The following NOMO2 variants were observed in gnomAD, a reference collection of about 807,000 sequenced individuals.
NOMO2 encodes BOS complex subunit NOMO2.
In NOMO2, 14 loss-of-function variants were observed where a neutral mutation model predicts 67.1. That is an observed-to-expected ratio of 0.21 (90% CI 0.14 to 0.33). The LOEUF is 0.33. Ranked by LOEUF, NOMO2 falls within the 10% of genes least tolerant of loss-of-function variation. The pLI, the probability that NOMO2 is intolerant of heterozygous loss-of-function variation, is 1.00. For missense variants in NOMO2, 178 were observed against 761.0 expected, an observed-to-expected ratio of 0.23 and a Z score of 9.01; for synonymous variants, 80 against 305.9, an observed-to-expected ratio of 0.26 and a Z score of 7.71.
At position 18,528,407 on chromosome 16, in the gene NOMO2, T is replaced by G. The variant is rs545062285; in HGVS notation, c.1807-783A>C. Among the ~76,000 whole-genome samples the G allele has an allele frequency of 2.4e-3, 371 of 152,092 alleles. 1 individual carries two copies. Among genetic ancestry groups the G allele is most frequent in the African/African-American group, 8.1e-3 (335 of 41,474 alleles). On this transcript the variant is annotated intron_variant, in intron 15 of 30. Coordinates refer to ENST00000622306, the MANE Select transcript of NOMO2 (RefSeq NM_173614.4). ...ATAACAAATCGACCTGTCAAGTTTT[T>G]GTAATTAAGCAGTTAGGGGAGTAAG...
intron 9 of NOMO2, among the ~76,000 whole-genome samples, chr16:18,541,447 G>T (rs1485388881): frequency 0.021 from 2,834 of 135,046 alleles, 1 homozygote; most frequent in Middle Eastern, 0.052. Flanking sequence ...GATACTGTAC[G>T]ACCTCCTTTC....
In NOMO2 at chr16:18,529,349, T is replaced by A. The variant is rs576142709; in HGVS notation, c.1806+152A>T. The A allele has an allele frequency of 8.9e-3, 13,496 of 1,514,788 alleles. 33 individuals carry two copies. Among genetic ancestry groups the A allele is most frequent in the Non-Finnish European group, 0.011 (12,247 of 1,104,524 alleles). 93.8% of individuals were successfully genotyped at this position (1,514,788 alleles called of 1,614,324 possible). On this transcript the variant is annotated intron_variant, in intron 15 of 30. Coordinates refer to ENST00000622306, the MANE Select transcript of NOMO2 (RefSeq NM_173614.4). ...CCACTGAGAGAGTATAAATGCTTCC[T>A]GATTATGCGTTGCGTAACAGGTGGG...
intron 15 of NOMO2, among the ~76,000 whole-genome samples, chr16:18,528,990 T>A (rs1269133754): frequency 0.012 from 198 of 15,974 alleles, 2 homozygotes; most frequent in African/African-American, 0.026. Context: ...AAAAAAAAAA[T>A]ACATATATAT....
rs562566423 is a variant in NOMO2, at chr16:18,536,875, C to T, written c.1220+1651G>A. On this transcript the variant is annotated intron_variant, in intron 11 of 30. Transcript: ENST00000622306. ...CATTCACCACTGGACTCCTTGACCT[C>T]GACCTCCATCTGTCTACAGAAGAGT... Among the ~76,000 whole-genome samples the T allele has an allele frequency of 4.0e-5, 6 of 151,546 alleles. No individual in the cohort carries two copies. The South Asian group carries it at 8.4e-4, about 21-fold the overall frequency.
At chr16:18,534,169 C>A (rs2057018512) in intron 11 of NOMO2, among the ~76,000 whole-genome samples, 1 of 151,814 alleles carries the variant, frequency 6.6e-6, no homozygotes, top group Non-Finnish European at 1.5e-5. Flanking sequence ...TATGTGAAAT[C>A]TAGGAATCAT....
intron 5 of NOMO2, among the ~76,000 whole-genome samples, chr16:18,547,621 G>A (rs1456505178): frequency 6.6e-6 from 1 of 151,900 alleles, no homozygotes; most frequent in Non-Finnish European, 1.5e-5. Context: ...CAGAACATTC[G>A]ACTGTGTTTG....
chr16:18,550,653 G>A (rs2434749), intron 4 of NOMO2, among the ~76,000 whole-genome samples: 98 of 152,152 alleles, frequency 6.4e-4, no homozygotes, highest in African/African-American at 1.6e-3. Flanking sequence ...GCACACACCC[G>A]TTAGGACTCT....
intron 16 of NOMO2, among the ~76,000 whole-genome samples, 180 bp from the exon 17 acceptor site, chr16:18,524,732 T>C (rs1596842348): frequency 6.7e-6 from 1 of 149,116 alleles, no homozygotes; most frequent in East Asian, 2.0e-4. Flanking sequence ...GAAGGCGTCT[T>C]ACCAATGACC....
At chr16:18,560,419 A>C (rs1330586797) in intron 1 of NOMO2, among the ~76,000 whole-genome samples, 1 of 151,542 alleles carries the variant, frequency 6.6e-6, no homozygotes, top group Non-Finnish European at 1.5e-5. Context: ...AAGTTGCAAG[A>C]GGCCTTACTG....
At chr16:18,539,038 C>T (rs1901488974) in intron 9 of NOMO2, 74 bp from the exon 10 acceptor site, 9 of 1,052,858 alleles carry the variant, frequency 8.5e-6, no homozygotes, top group South Asian at 3.9e-5. Context: ...CCTTCTGCTG[C>T]GCCGGCCACC....
chr16:18,525,129 A>G (rs561363844), intron 16 of NOMO2, among the ~76,000 whole-genome samples: 4 of 149,310 alleles, frequency 2.7e-5, no homozygotes, highest in Non-Finnish European at 6.0e-5. Flanking sequence ...TCATTAACCA[A>G]TATTTTGGCC....
chr16:18,555,234 C>T (rs1039853824), intron 2 of NOMO2, among the ~76,000 whole-genome samples: 13 of 151,796 alleles, frequency 8.6e-5, no homozygotes, highest in Non-Finnish European at 1.8e-4. Context: ...AAGTCACCCC[C>T]TAAAACTAGA....
At chr16:18,539,925 C>A (rs1296782487) in intron 9 of NOMO2, among the ~76,000 whole-genome samples, 1 of 151,996 alleles carries the variant, frequency 6.6e-6, no homozygotes, top group Non-Finnish European at 1.5e-5. Context: ...TGTGTATCCC[C>A]AAGGTCACCA....
intron 3 of NOMO2, among the ~76,000 whole-genome samples, chr16:18,553,794 A>C (rs1381555299): frequency 7.6e-6 from 1 of 130,904 alleles, no homozygotes; most frequent in Non-Finnish European, 1.6e-5. Flanking sequence ...TCTGGAACGT[A>C]CCAGCCAGGC....
intron 16 of NOMO2, among the ~76,000 whole-genome samples, chr16:18,526,281 G>A (rs1308481038): frequency 1.3e-5 from 2 of 152,122 alleles, no homozygotes; most frequent in African/African-American, 2.4e-5. Context: ...GTTGGCGAAG[G>A]AGGTGAAGAA....
At chr16:18,559,866 A>G (rs1901997832) in intron 1 of NOMO2, among the ~76,000 whole-genome samples, 1 of 148,038 alleles carries the variant, frequency 6.8e-6, no homozygotes, top group South Asian at 2.1e-4. Flanking sequence ...AACCAGTATA[A>G]TTTTTTTTTT....
intron 11 of NOMO2, among the ~76,000 whole-genome samples, chr16:18,536,300 G>A (rs1379977337): frequency 6.6e-5 from 10 of 152,292 alleles, no homozygotes; most frequent in Admixed American, 5.9e-4. Flanking sequence ...CTAACTTTTA[G>A]TCTTTACTAA....
chr16:18,561,223 AG>A (rs1902042961), intron 1 of NOMO2, among the ~76,000 whole-genome samples: 1 of 143,106 alleles, frequency 7.0e-6, no homozygotes, highest in African/African-American at 2.6e-5. Context: ...ACAAATCTCT[AG>A]GGTAATTCCA....
At chr16:18,544,674 CCTAT>C (rs1259702758) in intron 6 of NOMO2, among the ~76,000 whole-genome samples, 2 of 152,098 alleles carry the variant, frequency 1.3e-5, no homozygotes, top group Non-Finnish European at 2.9e-5. Flanking sequence ...TCACTGTAAA[CCTAT>C]TCTGGCTCAG....
Sources: allele counts gnomAD v4.1 joint callset (sites outside exome capture counted in the v4.1 genomes callset), GRCh38; gene constraint gnomAD v4.1.1; transcripts MANE v1.5; gene names NCBI Gene and HGNC (gene_info 2026-07-23, HGNC 2026-07-21).